RPRD2: variants seen among roughly 807,000 people sequenced by gnomAD.
RPRD2 encodes regulation of nuclear pre-mRNA domain-containing protein 2.
A neutral mutation model predicts 104.4 loss-of-function variants in RPRD2; 12 were observed. The ratio of observed to expected loss-of-function variants is 0.11; its 90% CI spans 0.07 to 0.19. The LOEUF (loss-of-function observed/expected upper bound fraction) is 0.19. RPRD2 is among the 10% of genes least tolerant of loss of function. RPRD2 has a pLI of 1.00. For missense variants in RPRD2, 1,543 were observed against 1,790.1 expected (o/e 0.86, Z 2.49); for synonymous variants, 714 against 684.9 (o/e 1.04, Z -0.66).
chr1:150,431,886 A>G (rs1265968759), intron 2 of RPRD2, among the ~76,000 whole-genome samples: 4 of 152,210 alleles, frequency 2.6e-5, no homozygotes, highest in Non-Finnish European at 5.9e-5. Flanking sequence ...ATATGATGCC[A>G]CTTACATCAG....
chr1:150,459,103 CA>C (rs1268393548), intron 8 of RPRD2, among the ~76,000 whole-genome samples: 1 of 152,150 alleles, frequency 6.6e-6, no homozygotes, highest in Non-Finnish European at 1.5e-5. Context: ...TCAAGAATTC[CA>C]AAGTCAGTTT....
intron 1 of RPRD2, among the ~76,000 whole-genome samples, chr1:150,396,198 GT>G (rs34604351): frequency 0.24 from 32,766 of 133,800 alleles, 4,230 homozygotes; most frequent in African/African-American, 0.39. Context: ...TCGTCTGTGT[GT>G]TTTTTTTTTT....
At chr1:150,386,895 TATA>T (rs1661606054) in intron 1 of RPRD2, among the ~76,000 whole-genome samples, 1 of 152,206 alleles carries the variant, frequency 6.6e-6, no homozygotes, top group African/African-American at 2.4e-5. Flanking sequence ...TCAGTTATGA[TATA>T]ATACTGAATT....
intron 1 of RPRD2, 55 bp downstream of exon 1, chr1:150,364,974 G>T: frequency 1.3e-6 from 2 of 1,565,710 alleles, no homozygotes; most frequent in Non-Finnish European, 1.7e-6. Flanking sequence ...AAGGAAGTGT[G>T]GCCTGAAACG....
chr1:150,418,765 A>G (rs1421963201), intron 2 of RPRD2, among the ~76,000 whole-genome samples: 2 of 152,194 alleles, frequency 1.3e-5, no homozygotes, highest in African/African-American at 2.4e-5. Context: ...TAATCCCAGC[A>G]CTTCGGGAGG....
intron 9 of RPRD2, among the ~76,000 whole-genome samples, chr1:150,460,746 G>A (rs1409114958): frequency 7.3e-6 from 1 of 136,838 alleles, no homozygotes; most frequent in East Asian, 2.1e-4. Context: ...TTTTTTTTCT[G>A]AGACGGAGTT....
At chr1:150,424,474 G>T (rs954909799) in intron 2 of RPRD2, among the ~76,000 whole-genome samples, 2 of 151,988 alleles carry the variant, frequency 1.3e-5, no homozygotes, top group Non-Finnish European at 2.9e-5. Flanking sequence ...TTTTAGTAGA[G>T]ACAGGGTTTC....
chr1:150,421,018 A>G (rs1664720953), intron 2 of RPRD2, among the ~76,000 whole-genome samples: 1 of 152,204 alleles, frequency 6.6e-6, no homozygotes, highest in South Asian at 2.1e-4. Context: ...CCATTCTAGC[A>G]TGAAAGCACC....
At chr1:150,380,504 T>G (rs1250415380) in intron 1 of RPRD2, among the ~76,000 whole-genome samples, 2 of 151,890 alleles carry the variant, frequency 1.3e-5, no homozygotes, top group Non-Finnish European at 2.9e-5. Context: ...TACACCACCA[T>G]GCCCAGCTAA....
At chr1:150,394,242 G>A (rs1662315099) in intron 1 of RPRD2, among the ~76,000 whole-genome samples, 1 of 152,008 alleles carries the variant, frequency 6.6e-6, no homozygotes, top group Non-Finnish European at 1.5e-5. Flanking sequence ...TAGAGACAGG[G>A]TTTCTTCATG....
rs1668633411 is a variant in RPRD2 at position 150,472,194 on chromosome 1, G to A, written c.3246G>A (p.Gly1082=). 6.2e-7 allele frequency: 1 copy of A among 1,613,886 alleles called. No individual in the cohort carries two copies. The highest frequency in any genetic ancestry group is 8.5e-7 in the Non-Finnish European group (1 of 1,179,886). ...TGCCTGATAGCACAGAAGAAAAGGG[G>A]GCCCCTATAGAAACCTTGGGTTATC... The part of the protein sequence containing the change: ...LDLPDSTEEK[G]APIETLGYHS... The change falls in exon 11 of 11, where the codon GGG becomes GGA. Residue 1082 remains glycine, a synonymous_variant. Transcript: ENST00000369068.
At chr1:150,375,633 A>G (rs1393652856) in intron 1 of RPRD2, among the ~76,000 whole-genome samples, 1 of 152,188 alleles carries the variant, frequency 6.6e-6, no homozygotes, top group East Asian at 1.9e-4. Context: ...TCTTAAACTA[A>G]TAAATAATAG....
intron 1 of RPRD2, among the ~76,000 whole-genome samples, chr1:150,365,714 C>G (rs587635551): frequency 1.8e-4 from 27 of 152,130 alleles, no homozygotes; most frequent in African/African-American, 5.3e-4. Flanking sequence ...CTCAGCCTCG[C>G]GAGTAGTCGG....
intron 1 of RPRD2, among the ~76,000 whole-genome samples, chr1:150,411,875 C>T (rs1440700570): frequency 6.6e-6 from 1 of 151,114 alleles, no homozygotes; most frequent in East Asian, 1.9e-4. Flanking sequence ...CCTGTAATCC[C>T]AGCACTTTGG....
At chr1:150,365,221 A>G (rs1409696308) in intron 1 of RPRD2, among the ~76,000 whole-genome samples, 1 of 152,066 alleles carries the variant, frequency 6.6e-6, no homozygotes, top group African/African-American at 2.4e-5. Context: ...AGGTGTATTG[A>G]TTTTTCCGAA....
chr1:150,382,203 A>T (rs1560152647), intron 1 of RPRD2, among the ~76,000 whole-genome samples: 1 of 146,380 alleles, frequency 6.8e-6, no homozygotes, highest in Non-Finnish European at 1.5e-5. Context: ...AAAGGAGTGG[A>T]CATGGCTTTT....
At chr1:150,425,853 A>G (rs907161363) in intron 2 of RPRD2, among the ~76,000 whole-genome samples, 2 of 150,972 alleles carry the variant, frequency 1.3e-5, no homozygotes, top group Non-Finnish European at 3.0e-5. Context: ...GCTCATGCCT[A>G]TAATCCCAGC....
intron 1 of RPRD2, among the ~76,000 whole-genome samples, chr1:150,389,832 A>G (rs587700670): frequency 6.6e-6 from 1 of 152,322 alleles, no homozygotes; most frequent in East Asian, 1.9e-4. Context: ...GAGTCAGCTG[A>G]AACAGGAGCA....
chr1:150,419,192 T>G (rs999058735), intron 2 of RPRD2, among the ~76,000 whole-genome samples: 4 of 152,152 alleles, frequency 2.6e-5, no homozygotes, highest in Non-Finnish European at 5.9e-5. Flanking sequence ...CATCCATATT[T>G]GTAAATTGTT....
Sources: gnomAD v4.1 joint callset for allele counts (sites outside exome capture counted in the v4.1 genomes callset) on GRCh38, gnomAD v4.1.1 for gene constraint, MANE v1.5 for transcripts, NCBI Gene and HGNC (gene_info 2026-07-23, HGNC 2026-07-21) for gene names.